The following BLK variants were observed in gnomAD, a reference collection of about 807,000 sequenced individuals.
BLK encodes BLK proto-oncogene, Src family tyrosine kinase.
In BLK, 64 loss-of-function variants were observed where a neutral mutation model predicts 61.8. The ratio of observed to expected loss-of-function variants is 1.03; its 90% CI spans 0.85 to 1.27. The LOEUF (loss-of-function observed/expected upper bound fraction) is 1.27, where lower values mean the gene tolerates loss of function less well. Ranked by LOEUF, BLK falls within the 50% of genes most tolerant of loss-of-function variation. The pLI is 0.00. For missense variants in BLK, 853 were observed against 660.5 expected (o/e 1.29, Z -3.19); for synonymous variants, 351 against 272.0 (o/e 1.29, Z -2.86).
At chr8:11,525,151 C>G (rs552401882) in intron 1 of BLK, among the ~76,000 whole-genome samples, 11 of 152,320 alleles carry the variant, frequency 7.2e-5, no homozygotes, top group African/African-American at 2.6e-4. Flanking sequence ...CTCTTTCGTG[C>G]TGACCCTTGC....
chr8:11,513,685 G>T (rs1799111560), intron 1 of BLK, among the ~76,000 whole-genome samples: 1 of 152,232 alleles, frequency 6.6e-6, no homozygotes, highest in South Asian at 2.1e-4. Context: ...GTGATCCAGG[G>T]AGGCCTTTGA....
intron 1 of BLK, among the ~76,000 whole-genome samples, chr8:11,495,185 C>T (rs1016406303): frequency 1.3e-5 from 2 of 152,194 alleles, no homozygotes; most frequent in Non-Finnish European, 2.9e-5. Context: ...TAGTTGATCA[C>T]ATATTTTGAA....
chr8:11,542,305 T>C (rs139706291), intron 1 of BLK, among the ~76,000 whole-genome samples: 5 of 152,342 alleles, frequency 3.3e-5, no homozygotes, highest in African/African-American at 1.2e-4. Context: ...TTAGAATTGA[T>C]GAAATATGGT....
At position 11,564,379 on chromosome 8, in the gene BLK, G is replaced by C. The variant is rs1343284509; in HGVS notation, c.*271G>C. 1.5e-6 allele frequency: 1 copy of C among 674,858 alleles called. No individual in the cohort carries two copies. The highest frequency in any genetic ancestry group is 2.0e-5 in the Admixed American group (1 of 48,940). 41.8% of individuals were successfully genotyped at this position (674,858 alleles called of 1,614,324 possible). A position where few individuals can be genotyped will look rare whatever the true frequency, so the allele number is the denominator to read the frequency against. ...CGGTCATCCGGAGTACTAAGCCCCA[G>C]TAAGGTGTTCAGGACTGGTAAGCGA... On this transcript the variant is annotated 3_prime_UTR_variant, in exon 13 of 13. Transcript: ENST00000259089.
At chr8:11,561,027 C>G (rs1563125842) in intron 10 of BLK, 1 of 631,150 alleles carries the variant, frequency 1.6e-6, no homozygotes, top group East Asian at 3.3e-5. Context: ...TCCATCTCTG[C>G]AGACCCTTGG....
At chr8:11,537,577 T>C (rs1456489987) in intron 1 of BLK, among the ~76,000 whole-genome samples, 1 of 152,154 alleles carries the variant, frequency 6.6e-6, no homozygotes, top group African/African-American at 2.4e-5. Flanking sequence ...GGTGCACCTG[T>C]TTTGTGCAGA....
intron 12 of BLK, 128 bp downstream of exon 12, chr8:11,563,238 C>A (rs2117608812): frequency 4.4e-6 from 6 of 1,375,194 alleles, no homozygotes; most frequent in Non-Finnish European, 5.9e-6. Flanking sequence ...AAGACGGAGA[C>A]CCAGGCATGG....
intron 1 of BLK, among the ~76,000 whole-genome samples, chr8:11,526,970 G>A (rs543790598): frequency 2.0e-4 from 30 of 152,166 alleles, no homozygotes; most frequent in South Asian, 6.2e-4. Flanking sequence ...AGCCTCTTTC[G>A]TTTTCTTTTA....
At chr8:11,545,751 G>C (rs1372589249) in intron 2 of BLK, 6 of 459,884 alleles carry the variant, frequency 1.3e-5, no homozygotes, top group East Asian at 3.7e-5. Flanking sequence ...TGTAATGGTA[G>C]AGCCAGGATG....
chr8:11,520,639 C>A (rs180774382), intron 1 of BLK, among the ~76,000 whole-genome samples: 11 of 152,100 alleles, frequency 7.2e-5, no homozygotes, highest in Admixed American at 2.6e-4. Context: ...AGCCTATAGC[C>A]AGATTCAGAA....
chr8:11,517,150 G>C (rs1411932607), intron 1 of BLK, among the ~76,000 whole-genome samples: 1 of 152,174 alleles, frequency 6.6e-6, no homozygotes, highest in Non-Finnish European at 1.5e-5. Flanking sequence ...GGAGAGCAGG[G>C]AGGAGTTGCT....
intron 12 of BLK, among the ~76,000 whole-genome samples, chr8:11,563,370 G>A (rs1437126553): frequency 1.3e-5 from 2 of 152,232 alleles, no homozygotes; most frequent in South Asian, 2.1e-4. Flanking sequence ...GGGCACATCC[G>A]AACTCAAGTT....
At chr8:11,533,463 C>T (rs775896578) in intron 1 of BLK, among the ~76,000 whole-genome samples, 4 of 152,088 alleles carry the variant, frequency 2.6e-5, no homozygotes, top group Non-Finnish European at 4.4e-5. Flanking sequence ...AGGTTCAAGT[C>T]GTGACCAGAT....
At chr8:11,525,175 G>A (rs564857847) in intron 1 of BLK, among the ~76,000 whole-genome samples, 1 of 152,172 alleles carries the variant, frequency 6.6e-6, no homozygotes, top group Non-Finnish European at 1.5e-5. Flanking sequence ...TTCTAATGTT[G>A]CTCAGAGGCA....
chr8:11,522,220 A>C (rs1046136352), intron 1 of BLK, among the ~76,000 whole-genome samples: 1 of 152,232 alleles, frequency 6.6e-6, no homozygotes, highest in Non-Finnish European at 1.5e-5. Flanking sequence ...TAAATGGTCA[A>C]AATATATGAA....
At chr8:11,534,910 C>T (rs148720014) in intron 1 of BLK, among the ~76,000 whole-genome samples, 38 of 152,288 alleles carry the variant, frequency 2.5e-4, no homozygotes, top group African/African-American at 9.1e-4. Context: ...GCGGCTCATG[C>T]CTGTATCCAA....
At chr8:11,516,166 G>A (rs1239629569) in intron 1 of BLK, among the ~76,000 whole-genome samples, 6 of 152,214 alleles carry the variant, frequency 3.9e-5, no homozygotes, top group Non-Finnish European at 7.3e-5. Flanking sequence ...CAGACACAAA[G>A]GAGAAACACT....
At chr8:11,550,127 T>C (rs1199932767) in intron 5 of BLK, 32 bp from the exon 6 acceptor site, 1 of 1,595,770 alleles carries the variant, frequency 6.3e-7, no homozygotes, top group Non-Finnish European at 8.6e-7. Flanking sequence ...GCAGGGTCGC[T>C]CTGAGTTTCA....
intron 1 of BLK, among the ~76,000 whole-genome samples, chr8:11,536,702 G>A (rs1292022071): frequency 6.6e-6 from 1 of 152,284 alleles, no homozygotes; most frequent in East Asian, 1.9e-4. Context: ...CACTGTGCCT[G>A]GCCAATATTC....
Sources: allele counts gnomAD v4.1 joint callset (sites outside exome capture counted in the v4.1 genomes callset), GRCh38; gene constraint gnomAD v4.1.1; transcripts MANE v1.5; gene names NCBI Gene and HGNC (gene_info 2026-07-23, HGNC 2026-07-21).